MECOM: variants seen among roughly 807,000 people sequenced by gnomAD.
MECOM encodes histone-lysine N-methyltransferase MECOM.
Under a neutral mutation model 116.3 loss-of-function variants are expected in MECOM, and 13 were observed. The ratio of observed to expected loss-of-function variants is 0.11; its 90% CI spans 0.07 to 0.18. The LOEUF (loss-of-function observed/expected upper bound fraction) is 0.18. Among genes scored for constraint, MECOM ranks in the 10% least tolerant of loss-of-function variants. MECOM has a pLI of 1.00. For synonymous variants in MECOM, 528 were observed against 535.2 expected (o/e 0.99, Z 0.19); for missense variants, 1,299 against 1,509.0 (o/e 0.86, Z 2.31).
intron 2 of MECOM, among the ~76,000 whole-genome samples, chr3:169,181,204 T>C (rs1363492726): frequency 6.6e-6 from 1 of 152,142 alleles, no homozygotes; most frequent in African/African-American, 2.4e-5. Flanking sequence ...TTTGAATCCT[T>C]AACTACTTGA....
chr3:169,094,312 A>G (rs1720816861), intron 13 of MECOM, among the ~76,000 whole-genome samples: 1 of 152,106 alleles, frequency 6.6e-6, no homozygotes, highest in South Asian at 2.1e-4. Context: ...CCTACCCCCA[A>G]AGCATAACCT....
intron 1 of MECOM, among the ~76,000 whole-genome samples, chr3:169,426,476 G>A (rs760926622): frequency 6.6e-5 from 10 of 152,136 alleles, no homozygotes; most frequent in Admixed American, 2.0e-4. Flanking sequence ...AAATGGCATC[G>A]CTGTGCTCAT....
At chr3:169,605,811 C>T (rs576780612) in intron 1 of MECOM, among the ~76,000 whole-genome samples, 2 of 152,190 alleles carry the variant, frequency 1.3e-5, no homozygotes, top group East Asian at 3.9e-4. Context: ...TAAACAGAAG[C>T]CATGGATATC....
intron 1 of MECOM, among the ~76,000 whole-genome samples, chr3:169,565,629 T>A (rs1260565443): frequency 6.6e-6 from 1 of 152,192 alleles, no homozygotes; most frequent in Non-Finnish European, 1.5e-5. Context: ...ACTTCCCAGC[T>A]TCCCACTGAC....
chr3:169,292,157 A>T (rs1714689246), intron 2 of MECOM, among the ~76,000 whole-genome samples: 1 of 152,084 alleles, frequency 6.6e-6, no homozygotes, highest in Non-Finnish European at 1.5e-5. Flanking sequence ...AGCCTGGCCA[A>T]CATGGTGAAA....
At chr3:169,122,806 GTAAT>G (rs1211554865) in intron 5 of MECOM, 79 bp from the exon 6 acceptor site, 15 of 1,495,278 alleles carry the variant, frequency 1.0e-5, no homozygotes, top group Non-Finnish European at 1.4e-5. Context: ...AATCCAACTG[GTAAT>G]TAAAGAAACA....
At chr3:169,160,245 G>T (rs780694153) in intron 2 of MECOM, among the ~76,000 whole-genome samples, 2 of 151,702 alleles carry the variant, frequency 1.3e-5, no homozygotes, top group Non-Finnish European at 2.9e-5. Flanking sequence ...CACTAAGCCA[G>T]GAATTGCAAT....
At chr3:169,421,320 T>C (rs750962356) in intron 1 of MECOM, among the ~76,000 whole-genome samples, 13 of 152,194 alleles carry the variant, frequency 8.5e-5, no homozygotes, top group Non-Finnish European at 1.5e-4. Context: ...TGCTAGAATT[T>C]AGCAGATTCA....
At chr3:169,238,610 G>A (rs1438951121) in intron 2 of MECOM, among the ~76,000 whole-genome samples, 1 of 152,122 alleles carries the variant, frequency 6.6e-6, no homozygotes, top group Non-Finnish European at 1.5e-5. Flanking sequence ...AAAACAATTT[G>A]GAGGCAATAT....
rs111665578 is a variant in MECOM, at chr3:169,633,375, T to C, written c.37+29961A>G. ...GTACAATATGATCCTTGTGTTCCCA[T>C]TTATCTCATACTTACACATCTTAGC... On this transcript the variant is annotated intron_variant, in intron 1 of 16. Coordinates refer to ENST00000651503, the MANE Select transcript of MECOM (RefSeq NM_004991.4). Among the ~76,000 whole-genome samples, 353 of 152,322 alleles carry C rather than the reference T, an allele frequency of 2.3e-3. 1 individual carries two copies. The highest frequency in any genetic ancestry group is 8.2e-3 in the African/African-American group (339 of 41,568).
chr3:169,456,012 T>TA (rs577888666), intron 1 of MECOM, among the ~76,000 whole-genome samples: 251 of 152,296 alleles, frequency 1.6e-3, no homozygotes, highest in African/African-American at 5.9e-3. Context: ...CTTTTCCTTT[T>TA]AAAAAAATTA....
In MECOM at chr3:169,116,144, C is replaced by T. The variant is rs766249862; in HGVS notation, c.1728G>A (p.Gln576=). 3.7e-6 allele frequency: 6 copies of T among 1,614,178 alleles called. No individual in the cohort carries two copies. Among genetic ancestry groups the T allele is most frequent in the Admixed American group, 1.7e-5 (1 of 60,028 alleles). Residue 576 remains glutamine, a synonymous_variant, in exon 8 of 17, where the codon CAG becomes CAA. Coordinates refer to ENST00000651503, the MANE Select transcript of MECOM (RefSeq NM_004991.4). ...EERPFEKISD[Q]SESSDLDDVS... ...CATCATCAAGGTCACTACTCTCTGA[C>T]TGGTCACTGATTTTCTCAAAGGGCC...
Position 169,115,375 on chromosome 3 carries a change from A to T in MECOM, c.2489+8T>A. On this transcript the variant is annotated splice_region_variant and intron_variant, in intron 8 of 16. Coordinates refer to ENST00000651503, the MANE Select transcript of MECOM (RefSeq NM_004991.4). ...GCTCATATTTCGTCATCTTCCATACACGCTTACCTGTAAATAGGGTCCATA... is the reference window on the plus strand; with the variant it reads ...GCTCATATTTCGTCATCTTCCATACTCGCTTACCTGTAAATAGGGTCCATA... The T allele has an allele frequency of 6.2e-7, 1 of 1,611,018 alleles. No homozygotes were observed. The highest frequency in any genetic ancestry group is 1.3e-5 in the African/African-American group (1 of 74,906).
intron 1 of MECOM, among the ~76,000 whole-genome samples, chr3:169,584,745 G>A (rs1765584566): frequency 6.6e-6 from 1 of 152,056 alleles, no homozygotes; most frequent in Non-Finnish European, 1.5e-5. Context: ...ATGACATTTG[G>A]CAGCTGAGAA....
intron 2 of MECOM, among the ~76,000 whole-genome samples, chr3:169,349,838 C>T (rs1001260719): frequency 6.6e-6 from 1 of 151,884 alleles, no homozygotes; most frequent in Non-Finnish European, 1.5e-5. Flanking sequence ...CCTATCAAGG[C>T]TTCAATCACA....
chr3:169,560,150 A>G (rs1762479201), intron 1 of MECOM, among the ~76,000 whole-genome samples: 1 of 152,186 alleles, frequency 6.6e-6, no homozygotes. Flanking sequence ...ACATTCCCTT[A>G]TAAGTGTTTA....
intron 1 of MECOM, among the ~76,000 whole-genome samples, chr3:169,579,789 C>T (rs1349349277): frequency 6.6e-6 from 1 of 152,160 alleles, no homozygotes; most frequent in African/African-American, 2.4e-5. Flanking sequence ...GGTTAAGGTT[C>T]AGTGAAATCC....
At chr3:169,578,811 A>G (rs114218271) in intron 1 of MECOM, among the ~76,000 whole-genome samples, 171 of 152,312 alleles carry the variant, frequency 1.1e-3, no homozygotes, top group African/African-American at 3.8e-3. Context: ...CTTTGAATTT[A>G]TCCATCTGCC....
intron 2 of MECOM, among the ~76,000 whole-genome samples, chr3:169,186,006 G>A (rs1746656933): frequency 6.6e-6 from 1 of 151,986 alleles, no homozygotes; most frequent in Non-Finnish European, 1.5e-5. Context: ...TCAGGTGTTG[G>A]CTTAGACAAT....
Sources: allele counts gnomAD v4.1 joint callset (sites outside exome capture counted in the v4.1 genomes callset), GRCh38; gene constraint gnomAD v4.1.1; transcripts MANE v1.5; gene names NCBI Gene and HGNC (gene_info 2026-07-23, HGNC 2026-07-21).